Variants in VAV3 observed in about 807,000 individuals in gnomAD.
VAV3 encodes the protein vav guanine nucleotide exchange factor 3.
VAV3 carries 94 observed loss-of-function variants against 131.2 expected under a neutral mutation model. That is an observed-to-expected ratio of 0.72 (90% CI 0.61 to 0.85). VAV3 has a LOEUF of 0.85. Ranked by LOEUF, VAV3 falls within the 40% of genes least tolerant of loss-of-function variation. The probability of loss-of-function intolerance (pLI) is 0.00; values close to 1 mark genes in which losing one functional copy is unlikely to be tolerated. For synonymous variants in VAV3, 349 were observed against 342.0 expected, an observed-to-expected ratio of 1.02 and a Z score of -0.22; for missense variants, 939 against 1,002.7, an observed-to-expected ratio of 0.94 and a Z score of 0.86.
chr1:107,708,208 A>T (rs78279722), intron 15 of VAV3, among the ~76,000 whole-genome samples: 1 of 152,156 alleles, frequency 6.6e-6, no homozygotes, highest in Non-Finnish European at 1.5e-5. Flanking sequence ...GAAAAAAAAA[A>T]GTTCTGCTGC....
chr1:107,727,069 A>T (rs939638948), intron 15 of VAV3, among the ~76,000 whole-genome samples: 4 of 152,260 alleles, frequency 2.6e-5, no homozygotes, highest in African/African-American at 9.6e-5. Flanking sequence ...TTACATCATT[A>T]TTTTTGTATC....
intron 9 of VAV3, among the ~76,000 whole-genome samples, chr1:107,763,781 C>T (rs1664572141): frequency 6.6e-6 from 1 of 152,082 alleles, no homozygotes; most frequent in Non-Finnish European, 1.5e-5. Flanking sequence ...AATAGTTTCC[C>T]TTTGTGGGAG....
intron 1 of VAV3, among the ~76,000 whole-genome samples, chr1:107,920,371 C>T (rs1178150645): frequency 6.6e-6 from 1 of 152,200 alleles, no homozygotes; most frequent in Non-Finnish European, 1.5e-5. Flanking sequence ...AACTTCGGGG[C>T]AAATAGGGAC....
intron 1 of VAV3, among the ~76,000 whole-genome samples, chr1:107,917,331 G>A (rs922689100): frequency 5.9e-5 from 9 of 152,036 alleles, no homozygotes; most frequent in Non-Finnish European, 8.8e-5. Flanking sequence ...CAGGGACCAC[G>A]CTAAGCACTT....
chr1:107,910,774 G>A (rs1426709347), intron 1 of VAV3, among the ~76,000 whole-genome samples: 1 of 152,116 alleles, frequency 6.6e-6, no homozygotes, highest in Non-Finnish European at 1.5e-5. Flanking sequence ...GATGTCAGGA[G>A]TTTGAGATCA....
At chr1:107,757,064 A>C (rs1240986137) in intron 11 of VAV3, among the ~76,000 whole-genome samples, 197 bp downstream of exon 11, 1 of 151,496 alleles carries the variant, frequency 6.6e-6, no homozygotes, top group African/African-American at 2.4e-5. Context: ...AGTTTTCTCC[A>C]CTAAAAACAA....
intron 20 of VAV3, among the ~76,000 whole-genome samples, chr1:107,641,004 T>G (rs1263628426): frequency 1.3e-5 from 2 of 152,178 alleles, no homozygotes; most frequent in Admixed American, 1.3e-4. Context: ...TGAGGAACCT[T>G]ATGGCTACAA....
chr1:107,766,608 C>T, intron 7 of VAV3, 58 bp from the exon 8 acceptor site: 6 of 1,328,742 alleles, frequency 4.5e-6, no homozygotes, highest in Non-Finnish European at 6.4e-6. Flanking sequence ...AAATACACCC[C>T]AAACCCAGAA....
At chr1:107,905,327 G>C (rs781019404) in intron 1 of VAV3, among the ~76,000 whole-genome samples, 3 of 152,048 alleles carry the variant, frequency 2.0e-5, no homozygotes, top group Non-Finnish European at 4.4e-5. Flanking sequence ...CTAAACTCCT[G>C]TTTGCACATG....
At chr1:107,929,966 A>G (rs1330690805) in intron 1 of VAV3, among the ~76,000 whole-genome samples, 2 of 152,188 alleles carry the variant, frequency 1.3e-5, no homozygotes, top group East Asian at 3.9e-4. Context: ...GGTCTCACTT[A>G]TTTGTGGGAG....
In VAV3 at chr1:107,704,549, C is replaced by A. The variant is rs1484224500; in HGVS notation, c.1705+1G>T. ...GAATTGCAACAATAAACATGACTTACCACCAGAATTAACTCTGCCACAATT... is the reference window on the plus strand; with the variant it reads ...GAATTGCAACAATAAACATGACTTAACACCAGAATTAACTCTGCCACAATT... On this transcript the variant is annotated splice_donor_variant, in intron 17 of 26. Transcript: ENST00000370056. LOFTEE classifies it high-confidence loss of function. The A allele has an allele frequency of 5.6e-6, 9 of 1,610,732 alleles. No individual in the cohort carries two copies. The highest frequency in any genetic ancestry group is 7.6e-6 in the Non-Finnish European group (9 of 1,177,578).
At chr1:107,922,024 T>C (rs1264159518) in intron 1 of VAV3, among the ~76,000 whole-genome samples, 1 of 152,216 alleles carries the variant, frequency 6.6e-6, no homozygotes, top group East Asian at 1.9e-4. Context: ...TAAGTTCTTC[T>C]GAGGAAGATT....
chr1:107,685,086 C>T (rs1658924306), intron 18 of VAV3, among the ~76,000 whole-genome samples: 1 of 152,076 alleles, frequency 6.6e-6, no homozygotes, highest in South Asian at 2.1e-4. Context: ...GAATTTAACT[C>T]TTTGGTTTGA....
chr1:107,783,399 C>G (rs1256881893), intron 2 of VAV3, among the ~76,000 whole-genome samples: 1 of 152,112 alleles, frequency 6.6e-6, no homozygotes, highest in Non-Finnish European at 1.5e-5. Context: ...CTGCAGTAGA[C>G]AGGAAAGTAG....
At chr1:107,606,766 G>GTT (rs778980876) in intron 22 of VAV3, among the ~76,000 whole-genome samples, 1 of 121,786 alleles carries the variant, frequency 8.2e-6, no homozygotes, top group African/African-American at 3.0e-5. Context: ...GTAAATAAAA[G>GTT]TTTTTTTAAG....
At chr1:107,617,391 T>C (rs535987632) in intron 21 of VAV3, among the ~76,000 whole-genome samples, 176 bp downstream of exon 21, 32 of 152,244 alleles carry the variant, frequency 2.1e-4, no homozygotes, top group African/African-American at 7.5e-4. Flanking sequence ...TTTCTTAATA[T>C]TAAAAAACAT....
At chr1:107,714,265 T>C (rs1660959471) in intron 15 of VAV3, among the ~76,000 whole-genome samples, 1 of 152,104 alleles carries the variant, frequency 6.6e-6, no homozygotes, top group Admixed American at 6.6e-5. Flanking sequence ...TACCAAAGTA[T>C]TTCTTCTTCC....
chr1:107,709,228 C>T (rs903975981), intron 15 of VAV3, among the ~76,000 whole-genome samples: 2 of 152,126 alleles, frequency 1.3e-5, no homozygotes, highest in African/African-American at 4.8e-5. Context: ...GTGGAGGGTG[C>T]ATCTTCTCCT....
At chr1:107,890,896 A>G (rs992734529) in intron 1 of VAV3, among the ~76,000 whole-genome samples, 6 of 152,214 alleles carry the variant, frequency 3.9e-5, no homozygotes, top group Non-Finnish European at 7.4e-5. Flanking sequence ...AGGTATTTAT[A>G]AGCTGTTTCT....
Sources: allele counts gnomAD v4.1 joint callset (sites outside exome capture counted in the v4.1 genomes callset), GRCh38; gene constraint gnomAD v4.1.1; transcripts MANE v1.5; gene names NCBI Gene and HGNC (gene_info 2026-07-23, HGNC 2026-07-21).